CCDC3: variants seen among roughly 807,000 people sequenced by gnomAD.
The protein encoded by CCDC3 is coiled-coil domain-containing protein 3.
Under a neutral mutation model 21.4 loss-of-function variants are expected in CCDC3, and 24 were observed. The observed-to-expected ratio is 1.12, with a 90% CI of 0.81 to 1.58. CCDC3 has a LOEUF of 1.58. Among genes scored for constraint, CCDC3 ranks in the 40% most tolerant of loss-of-function variants. The probability of loss-of-function intolerance (pLI) is 0.00; values close to 1 mark genes in which losing one functional copy is unlikely to be tolerated. For synonymous variants in CCDC3, 186 were observed against 166.0 expected, an observed-to-expected ratio of 1.12 and a Z score of -0.93; for missense variants, 425 against 360.9, an observed-to-expected ratio of 1.18 and a Z score of -1.44.
intron 2 of CCDC3, among the ~76,000 whole-genome samples, chr10:12,930,258 T>C (rs974974028): frequency 7.3e-6 from 1 of 136,608 alleles, no homozygotes; most frequent in African/African-American, 2.6e-5. Context: ...ATTTTTACAT[T>C]TCTTTTCTAT....
intron 4 of CCDC3, among the ~76,000 whole-genome samples, chr10:13,073,678 G>A (rs185126536): frequency 6.6e-6 from 1 of 151,914 alleles, no homozygotes; most frequent in Non-Finnish European, 1.5e-5. Flanking sequence ...GTAGAGACAG[G>A]GTTTCTCAAT....
intron 2 of CCDC3, among the ~76,000 whole-genome samples, chr10:12,934,632 T>TA (rs1834705812): frequency 2.0e-5 from 3 of 152,242 alleles, no homozygotes; most frequent in Non-Finnish European, 2.9e-5. Flanking sequence ...GATCTGTTGC[T>TA]AGGCACATAA....
intron 2 of CCDC3, among the ~76,000 whole-genome samples, chr10:12,993,589 T>C (rs975086947): frequency 6.6e-6 from 1 of 152,198 alleles, no homozygotes; most frequent in Non-Finnish European, 1.5e-5. Flanking sequence ...CTGTTTTGAC[T>C]GTTGCACTTG....
chr10:13,089,253 CTTATGAATATTTGTAAGTGAACACTTAT>C (rs1485014889), intron 3 of CCDC3, among the ~76,000 whole-genome samples: 1 of 152,038 alleles, frequency 6.6e-6, no homozygotes, highest in Non-Finnish European at 1.5e-5. Flanking sequence ...TAAATGAACA[CTTATGAATATTTGTAAGTGAACACTTAT>C]TTATGAATAT....
chr10:13,098,148 C>T (rs1449293659), intron 3 of CCDC3, among the ~76,000 whole-genome samples: 4 of 152,008 alleles, frequency 2.6e-5, no homozygotes, highest in Non-Finnish European at 5.9e-5. Context: ...GACCCCACCA[C>T]TGAGAGCAAG....
chr10:13,004,725 C>T (rs11258118), upstream of CCDC3, among the ~76,000 whole-genome samples: 34 of 151,906 alleles, frequency 2.2e-4, no homozygotes, highest in Admixed American at 8.5e-4. Context: ...CTAGGCCAGC[C>T]GTGGTAAGAG....
chr10:13,021,761 T>A (rs1836149666), intron 5 of CCDC3, among the ~76,000 whole-genome samples: 1 of 152,004 alleles, frequency 6.6e-6, no homozygotes. Context: ...TTTTGTTTTT[T>A]TGTTTGTTTG....
At chr10:12,919,725 A>G (rs1834417825) in intron 2 of CCDC3, among the ~76,000 whole-genome samples, 2 of 141,654 alleles carry the variant, frequency 1.4e-5, no homozygotes, top group African/African-American at 2.5e-5. Flanking sequence ...CTCAGCACAG[A>G]CTTGTGGCCC....
intron 5 of CCDC3, among the ~76,000 whole-genome samples, chr10:13,022,539 T>G (rs1589042858): frequency 6.6e-6 from 1 of 152,312 alleles, no homozygotes; most frequent in East Asian, 1.9e-4. Flanking sequence ...TTGCGGTTTT[T>G]GCCATTACTT....
intron 5 of CCDC3, among the ~76,000 whole-genome samples, chr10:13,022,465 C>A (rs1468864883): frequency 4.6e-5 from 7 of 152,178 alleles, no homozygotes; most frequent in Non-Finnish European, 1.5e-5. Context: ...GAAAGCCCAC[C>A]ATCAGCTGAT....
chr10:12,973,858 GTTTT>G (rs1835377516), intron 2 of CCDC3, among the ~76,000 whole-genome samples: 8 of 152,202 alleles, frequency 5.3e-5, no homozygotes, highest in Non-Finnish European at 8.8e-5. Context: ...GTGTGATGTG[GTTTT>G]TTAAAATAAA....
chr10:13,050,991 A>C (rs1431688294), intron 4 of CCDC3, among the ~76,000 whole-genome samples: 2 of 152,012 alleles, frequency 1.3e-5, no homozygotes, highest in African/African-American at 2.4e-5. Flanking sequence ...AGGTCTCACT[A>C]TGTTGCCCAG....
At chr10:13,068,739 G>A (rs770194668) in intron 4 of CCDC3, among the ~76,000 whole-genome samples, 1 of 152,092 alleles carries the variant, frequency 6.6e-6, no homozygotes. Flanking sequence ...AACTTACTAG[G>A]TTCTACATAA....
rs529899957 is a variant in CCDC3 at position 13,097,486 on chromosome 10, G to T, written c.-503+1039C>A. Among the ~76,000 whole-genome samples the T allele has an allele frequency of 1.9e-4, 29 of 152,350 alleles. No homozygotes were observed. In the South Asian group the frequency reaches 5.8e-3, roughly 30 times the overall value. On this transcript the variant is annotated intron_variant, in intron 3 of 6. Transcript: ENST00000378839. ...CACATGTAATCCCAGCACTTTGGAAGGCCGAGGCAGGTGGATCACCCGAGG... is the reference window on the plus strand; with the variant it reads ...CACATGTAATCCCAGCACTTTGGAATGCCGAGGCAGGTGGATCACCCGAGG...
intron 2 of CCDC3, among the ~76,000 whole-genome samples, chr10:12,963,023 T>G (rs149860392): frequency 0.013 from 1,981 of 152,300 alleles, 20 homozygotes; most frequent in Non-Finnish European, 0.021. Context: ...TCAAAAGTAA[T>G]GGGATCTATG....
intron 2 of CCDC3, among the ~76,000 whole-genome samples, chr10:12,929,261 CAAAAAAAAA>C (rs10609537): frequency 2.1e-4 from 22 of 104,584 alleles, no homozygotes; most frequent in African/African-American, 8.3e-4. Context: ...GATTCCATCT[CAAAAAAAAA>C]AAAAAAAAAA....
At chr10:12,945,834 G>C (rs1326809778) in intron 2 of CCDC3, among the ~76,000 whole-genome samples, 1 of 152,186 alleles carries the variant, frequency 6.6e-6, no homozygotes, top group African/African-American at 2.4e-5. Context: ...AAGATAACAA[G>C]GTTGCCTTTG....
intron 5 of CCDC3, among the ~76,000 whole-genome samples, chr10:13,039,945 C>T (rs1487642570): frequency 6.6e-6 from 1 of 151,654 alleles, no homozygotes; most frequent in Non-Finnish European, 1.5e-5. Context: ...GCCTGAGCTG[C>T]CTATAGCACC....
chr10:12,983,098 G>A lies in CCDC3; in HGVS notation c.549+15240C>T, dbSNP rs115192764. On this transcript the variant is annotated intron_variant, in intron 2 of 2. Transcript: ENST00000378825. ...CTACACTCCACCCTGGGTGATGGCT[G>A]TCTCAAAAAATAAATAAATAAATAA... Among the ~76,000 whole-genome samples, 496 of 138,536 alleles carry A rather than the reference G, an allele frequency of 3.6e-3. 4 individuals are homozygous for A. The highest frequency in any genetic ancestry group is 0.012 in the African/African-American group (465 of 37,628). 90.9% of individuals were successfully genotyped at this position (138,536 alleles called of 152,430 possible).
Sources: allele counts gnomAD v4.1 joint callset (sites outside exome capture counted in the v4.1 genomes callset), GRCh38; gene constraint gnomAD v4.1.1; transcripts MANE v1.5; gene names NCBI Gene and HGNC (gene_info 2026-07-23, HGNC 2026-07-21).